Variants in VAPA observed in about 807,000 individuals in gnomAD.
The protein encoded by VAPA is vesicle-associated membrane protein-associated protein A.
A neutral mutation model predicts 25.6 loss-of-function variants in VAPA; 6 were observed. That is an observed-to-expected ratio of 0.23 (90% CI 0.13 to 0.46). VAPA has a LOEUF of 0.46. Ranked by LOEUF, VAPA falls within the 20% of genes least tolerant of loss-of-function variation. VAPA has a pLI of 0.99. For synonymous variants in VAPA, 112 were observed against 106.2 expected (o/e 1.05, Z -0.34); for missense variants, 244 against 302.1 (o/e 0.81, Z 1.43).
chr18:9,951,445 C>T (rs193269984), intron 5 of VAPA: 4 of 152,364 alleles, frequency 2.6e-5, no homozygotes, highest in Admixed American at 2.6e-4. Context: ...AGGCCTTTCT[C>T]CCTCTAGTGG....
Position 9,914,147 on chromosome 18 carries a change from C to G in VAPA, c.-110C>G. The G allele has an allele frequency of 1.1e-6, 1 of 952,134 alleles. No homozygotes were observed. The highest frequency in any genetic ancestry group is 1.8e-5 in the South Asian group (1 of 56,648). The allele number at this position is 952,134 out of a possible 1,614,324, so 59.0% of individuals were successfully genotyped here. A position where few individuals can be genotyped will look rare whatever the true frequency, so the allele number is the denominator to read the frequency against. Reference sequence around the variant, plus strand: ...GGCAGGCGTTAGGGCTCGGGAGCCGCGAGCCTGGCCTCGTCCTAGAGCTCG... The same window carrying G: ...GGCAGGCGTTAGGGCTCGGGAGCCGGGAGCCTGGCCTCGTCCTAGAGCTCG... On this transcript the variant is annotated 5_prime_UTR_variant, in exon 1 of 6. Transcript: ENST00000400000.
In VAPA at chr18:9,955,698, TTTTCA is replaced by T. The variant is rs1316780574; in HGVS notation, c.*1493_*1497del. The T allele has an allele frequency of 6.6e-6, 1 of 152,208 alleles. No individual in the cohort carries two copies. The highest frequency in any genetic ancestry group is 1.5e-5 in the Non-Finnish European group (1 of 68,020). The allele number at this position is 152,208 out of a possible 1,614,324, so 9.4% of individuals were successfully genotyped here. A position where few individuals can be genotyped will look rare whatever the true frequency, so the allele number is the denominator to read the frequency against. ...AGTACTCTGAAGTATTTTGGTTGCCTTTTCATTTCAACTGTGTTTTGAATTTGTCA... is the reference window on the plus strand; with the variant it reads ...AGTACTCTGAAGTATTTTGGTTGCCTTTTCAACTGTGTTTTGAATTTGTCA... On this transcript the variant is annotated 3_prime_UTR_variant, in exon 6 of 6. Transcript: ENST00000400000.
In VAPA at chr18:9,914,126, G is replaced by A; in HGVS notation, c.-131G>A. 1 of 695,382 alleles carries A rather than the reference G, an allele frequency of 1.4e-6. No homozygotes were observed. Among genetic ancestry groups the A allele is most frequent in the East Asian group, 3.5e-5 (1 of 28,878 alleles). The allele number at this position is 695,382 out of a possible 1,614,324, so 43.1% of individuals were successfully genotyped here. On this transcript the variant is annotated 5_prime_UTR_variant, in exon 1 of 6. Coordinates refer to ENST00000400000, the MANE Select transcript of VAPA (RefSeq NM_194434.3). ...CCACCGAACCGGTGACACAGCGGCA[G>A]GCGTTAGGGCTCGGGAGCCGCGAGC...
In VAPA at chr18:9,951,930, C is replaced by T. The variant is rs920236982; in HGVS notation, c.591+1362C>T. On this transcript the variant is annotated intron_variant, in intron 5 of 5. Transcript: ENST00000400000. ...TGCTTCCAAGCACTTGTCTGGGTAG[C>T]GGAAAGAATATCTTTATTTCACACC... Among the ~76,000 whole-genome samples, 7 of 152,160 alleles carry T rather than the reference C, an allele frequency of 4.6e-5. No individual in the cohort carries two copies. In the South Asian group the frequency reaches 8.3e-4, roughly 18 times the overall value.
intron 4 of VAPA, among the ~76,000 whole-genome samples, chr18:9,940,407 G>A (rs1188153003): frequency 2.0e-5 from 3 of 152,112 alleles, no homozygotes; most frequent in South Asian, 4.2e-4. Context: ...ATAATCGACC[G>A]GGTACCTGTG....
At chr18:9,918,510 G>A (rs1250552718) in intron 1 of VAPA, among the ~76,000 whole-genome samples, 1 of 151,754 alleles carries the variant, frequency 6.6e-6, no homozygotes, top group East Asian at 1.9e-4. Flanking sequence ...TGACAGTACC[G>A]ACAGTTTCTC....
chr18:9,918,343 T>G (rs1372729369), intron 1 of VAPA, among the ~76,000 whole-genome samples: 4 of 152,242 alleles, frequency 2.6e-5, no homozygotes, highest in Admixed American at 2.0e-4. Context: ...TCATTTCCTT[T>G]GCATTCAGAC....
At chr18:9,927,891 A>T (rs1330749409) in intron 1 of VAPA, among the ~76,000 whole-genome samples, 9 of 152,134 alleles carry the variant, frequency 5.9e-5, no homozygotes, top group African/African-American at 1.7e-4. Context: ...ACTTAGTGGC[A>T]GGAAATGGTA....
Position 9,916,679 on chromosome 18 carries a change from A to G in VAPA, c.79+2344A>G, listed in dbSNP as rs1429643288. Among the ~76,000 whole-genome samples the G allele has an allele frequency of 2.0e-5, 3 of 152,326 alleles. No individual in the cohort carries two copies. The East Asian group carries it at 5.8e-4, about 29-fold the overall frequency. On this transcript the variant is annotated intron_variant, in intron 1 of 5. Coordinates refer to ENST00000400000, the MANE Select transcript of VAPA (RefSeq NM_194434.3). Reference sequence around the variant, plus strand: ...TTTGTGTATTTAAATGCACAGTTCAACACTGAGGAGATTCATTTAGAATGT... The same window carrying G: ...TTTGTGTATTTAAATGCACAGTTCAGCACTGAGGAGATTCATTTAGAATGT...
At chr18:9,938,111 A>G (rs2069329424) in intron 4 of VAPA, among the ~76,000 whole-genome samples, 1 of 152,154 alleles carries the variant, frequency 6.6e-6, no homozygotes, top group Non-Finnish European at 1.5e-5. Flanking sequence ...TTTTTTGCTT[A>G]GGCGGAGGGA....
chr18:9,914,233 C>G lies in VAPA; in HGVS notation c.-24C>G. 6.4e-7 allele frequency: 1 copy of G among 1,568,646 alleles called. No individual in the cohort carries two copies. Among genetic ancestry groups the G allele is most frequent in the Non-Finnish European group, 8.6e-7 (1 of 1,159,794 alleles). ...TCAGCAAACCGCCGCCGCGGGCGCGCCCCCGCTCTGCGCTGTCTCTCCGAT... is the reference window on the plus strand; with the variant it reads ...TCAGCAAACCGCCGCCGCGGGCGCGGCCCCGCTCTGCGCTGTCTCTCCGAT... On this transcript the variant is annotated 5_prime_UTR_variant, in exon 1 of 6. Transcript: ENST00000400000.
chr18:9,950,701 G>T lies in VAPA; in HGVS notation c.591+133G>T, dbSNP rs796960176. ...CTTTCTTCTTTGCCCCAGTGCCTTT[G>T]CTCCCCACCCTACTCCTCTTTTAAC... On this transcript the variant is annotated intron_variant, in intron 5 of 5. Transcript: ENST00000400000. 6 of 838,496 alleles carry T rather than the reference G, an allele frequency of 7.2e-6. No homozygotes were observed. The African/African-American group carries it at 8.6e-5, about 12-fold the overall frequency. The allele number at this position is 838,496 out of a possible 1,614,324, so 51.9% of individuals were successfully genotyped here. A position where few individuals can be genotyped will look rare whatever the true frequency, so the allele number is the denominator to read the frequency against.
rs558492009 is a variant in VAPA at position 9,952,236 on chromosome 18, TTTTA to T, written c.591+1672_591+1675del. ...TTTTATGCTAGTGTTCTGTATGAGA[TTTTA>T]TTTGAGAGATGATTCTGCTGCTGGA... On this transcript the variant is annotated intron_variant, in intron 5 of 5. Coordinates refer to ENST00000400000, the MANE Select transcript of VAPA (RefSeq NM_194434.3). 6.9e-3 allele frequency among the ~76,000 whole-genome samples: 1,045 copies of T among 152,204 alleles called. 8 individuals carry two copies. Among genetic ancestry groups the T allele is most frequent in the Non-Finnish European group, 0.012 (785 of 68,002 alleles).
rs29161 is a variant in VAPA at position 9,931,526 on chromosome 18, C to T, written c.80-284C>T. Among the ~76,000 whole-genome samples, 202 of 152,194 alleles carry T rather than the reference C, an allele frequency of 1.3e-3. 1 individual carries two copies. The highest frequency in any genetic ancestry group is 4.6e-3 in the African/African-American group (190 of 41,490). On this transcript the variant is annotated intron_variant, in intron 1 of 5. Transcript: ENST00000400000. The stretch of plus-strand genomic sequence containing the variant: ...GTATTAACAACATACTGTAAAAATA[C>T]AGTTGTAAAGTTCATAGATCCAAAG...
At chr18:9,952,564 CAAA>C (rs58664560) in intron 5 of VAPA, among the ~76,000 whole-genome samples, 1 of 109,860 alleles carries the variant, frequency 9.1e-6, no homozygotes. Context: ...AACATCGTCT[CAAA>C]AAAAAAAAAA....
intron 4 of VAPA, chr18:9,950,040 C>T (rs1183808145): frequency 1.6e-5 from 3 of 184,344 alleles, no homozygotes; most frequent in South Asian, 1.1e-4. Context: ...ATTTTGTTGA[C>T]GTCATTCAGC....
chr18:9,935,880 A>C (rs2069304860), intron 2 of VAPA, among the ~76,000 whole-genome samples: 1 of 152,210 alleles, frequency 6.6e-6, no homozygotes, highest in Non-Finnish European at 1.5e-5. Flanking sequence ...ACAATTTAAA[A>C]ATACTTGGGA....
In VAPA at chr18:9,937,572, GT is replaced by G. The variant is rs368016169; in HGVS notation, c.417+507del. On this transcript the variant is annotated intron_variant, in intron 4 of 5. Coordinates refer to ENST00000400000, the MANE Select transcript of VAPA (RefSeq NM_194434.3). ...TTATGTTGCTTACTCATTAGTGTAA[GT>G]CTAATACAATTTGGGGGACTGAGGG... Among the ~76,000 whole-genome samples, 186 of 152,146 alleles carry G rather than the reference GT, an allele frequency of 1.2e-3. 1 individual carries two copies. The highest frequency in any genetic ancestry group is 1.3e-3 in the Non-Finnish European group (89 of 68,016).
rs761267079 is a variant in VAPA at position 9,931,807 on chromosome 18, C to T, written c.80-3C>T. On this transcript the variant is annotated splice_region_variant and splice_polypyrimidine_tract_variant and intron_variant, in intron 1 of 5. Transcript: ENST00000400000. ...TTTTCTCTTTAATTTTTAAACTTTA[C>T]AGGCCCCTTCACAGATGTAGTCACT... The T allele has an allele frequency of 8.7e-6, 14 of 1,603,430 alleles. No individual in the cohort carries two copies. In the African/African-American group the frequency reaches 1.9e-4, roughly 22 times the overall value.
Sources: allele counts gnomAD v4.1 joint callset (sites outside exome capture counted in the v4.1 genomes callset), GRCh38; gene constraint gnomAD v4.1.1; transcripts MANE v1.5; gene names NCBI Gene and HGNC (gene_info 2026-07-23, HGNC 2026-07-21).